CAMTA1: variants seen among roughly 807,000 people sequenced by gnomAD.
CAMTA1 encodes the protein calmodulin binding transcription activator 1.
A neutral mutation model predicts 170.9 loss-of-function variants in CAMTA1; 27 were observed. The ratio of observed to expected loss-of-function variants is 0.16; its 90% CI spans 0.12 to 0.22. The LOEUF (loss-of-function observed/expected upper bound fraction) is 0.22, where lower values mean the gene tolerates loss of function less well. CAMTA1 is among the 10% of genes least tolerant of loss of function. The pLI is 1.00. For missense variants in CAMTA1, 1,619 were observed against 2,217.2 expected, an observed-to-expected ratio of 0.73 and a Z score of 5.42; for synonymous variants, 833 against 891.5, an observed-to-expected ratio of 0.93 and a Z score of 1.17.
chr1:7,567,489 A>G (rs1193641876), intron 6 of CAMTA1, among the ~76,000 whole-genome samples: 2 of 152,246 alleles, frequency 1.3e-5, no homozygotes, highest in African/African-American at 4.8e-5. Flanking sequence ...TGGCGTCAAC[A>G]CAGGTGGTGG....
chr1:7,076,426 T>G (rs1050789777), intron 3 of CAMTA1, among the ~76,000 whole-genome samples: 7 of 152,218 alleles, frequency 4.6e-5, no homozygotes, highest in African/African-American at 1.7e-4. Context: ...GGTGACACAA[T>G]ATGAGCTTTT....
chr1:7,558,195 G>C (rs766992763), intron 6 of CAMTA1, among the ~76,000 whole-genome samples: 7 of 152,196 alleles, frequency 4.6e-5, no homozygotes, highest in East Asian at 1.9e-4. Flanking sequence ...GCTCCGCCTC[G>C]GGGCCGCATG....
chr1:7,231,350 T>TGTGTGTGTGTGA (rs112268253), intron 4 of CAMTA1, among the ~76,000 whole-genome samples: 2,121 of 141,092 alleles, frequency 0.015, 19 homozygotes, highest in Non-Finnish European at 0.026. Flanking sequence ...TGTGTGTGTG[T>TGTGTGTGTGTGA]GAGAGAGAGA....
Position 7,532,399 on chromosome 1 carries a change from G to A in CAMTA1, c.510+64498G>A, listed in dbSNP as rs1367136429. Among the ~76,000 whole-genome samples the A allele has an allele frequency of 6.6e-6, 1 of 151,886 alleles. No homozygotes were observed. Among genetic ancestry groups the A allele is most frequent in the Non-Finnish European group, 1.5e-5 (1 of 67,984 alleles). ...ACACCGCAGCCTCCTGGGCTCAAGT[G>A]ATCCTCCCACCTCAGCCTCCCAAGT... On this transcript the variant is annotated intron_variant, in intron 6 of 22. Transcript: ENST00000303635. This position sits in a 1 kb window ranked among gnomAD's most constrained non-coding sequence, Gnocchi z 4.2.
intron 4 of CAMTA1, among the ~76,000 whole-genome samples, chr1:7,107,277 C>CGTGTGTGTGT (rs767461350): frequency 2.1e-4 from 3 of 14,044 alleles, no homozygotes; most frequent in African/African-American, 9.4e-4. Context: ...TGTGTGTGTG[C>CGTGTGTGTGT]ATGTGTGTGT....
chr1:7,221,697 T>A (rs1203721943), intron 4 of CAMTA1, among the ~76,000 whole-genome samples: 2 of 152,202 alleles, frequency 1.3e-5, no homozygotes, highest in Non-Finnish European at 2.9e-5. Context: ...GCCCTGCTTC[T>A]TGCTGGCTGT....
chr1:7,667,952 C>T (rs1455678406), intron 9 of CAMTA1, among the ~76,000 whole-genome samples: 1 of 152,216 alleles, frequency 6.6e-6, no homozygotes, highest in Non-Finnish European at 1.5e-5. Flanking sequence ...TTCCTCCTTG[C>T]TGTCCTCTCC....
chr1:7,232,964 T>C (rs1374628780), intron 4 of CAMTA1, among the ~76,000 whole-genome samples: 3 of 137,676 alleles, frequency 2.2e-5, no homozygotes, highest in South Asian at 2.5e-4. Flanking sequence ...TTTTTTTTTT[T>C]CCCTCCCACC....
At chr1:7,726,758 A>G (rs538983354) in intron 11 of CAMTA1, among the ~76,000 whole-genome samples, 82 of 152,320 alleles carry the variant, frequency 5.4e-4, no homozygotes, top group African/African-American at 1.9e-3. Context: ...TTCCGGTGCG[A>G]CGGATATAGC....
chr1:7,150,889 G>A lies in CAMTA1; in HGVS notation c.302+59518G>A, dbSNP rs139340683. Among the ~76,000 whole-genome samples, 370 of 152,276 alleles carry A rather than the reference G, an allele frequency of 2.4e-3. 1 individual carries two copies. Among genetic ancestry groups the A allele is most frequent in the African/African-American group, 8.2e-3 (341 of 41,548 alleles). On this transcript the variant is annotated intron_variant, in intron 4 of 22. Coordinates refer to ENST00000303635, the MANE Select transcript of CAMTA1 (RefSeq NM_015215.4). ...GCCGCAGACGGACTCAGAAAGCACCGTTTCATTTTGCTCGAGTAAAGAAGG... is the reference window on the plus strand; with the variant it reads ...GCCGCAGACGGACTCAGAAAGCACCATTTCATTTTGCTCGAGTAAAGAAGG...
chr1:7,097,048 G>T (rs1461453083), intron 4 of CAMTA1, among the ~76,000 whole-genome samples: 1 of 152,050 alleles, frequency 6.6e-6, no homozygotes, highest in Non-Finnish European at 1.5e-5. Context: ...CCCTCACCTC[G>T]AATGCCCTCA....
chr1:7,033,990 G>A (rs757546199), intron 3 of CAMTA1, among the ~76,000 whole-genome samples: 5 of 152,032 alleles, frequency 3.3e-5, no homozygotes, highest in Non-Finnish European at 5.9e-5. Flanking sequence ...GCTTTTTTAG[G>A]TGGGTACAGA....
intron 3 of CAMTA1, among the ~76,000 whole-genome samples, chr1:6,886,998 A>G (rs1673427333): frequency 6.6e-6 from 1 of 152,232 alleles, no homozygotes. Context: ...TGGCCCAGGA[A>G]GTAACAATGG....
At chr1:7,260,544 C>G (rs1190062518) in intron 5 of CAMTA1, among the ~76,000 whole-genome samples, 1 of 152,204 alleles carries the variant, frequency 6.6e-6, no homozygotes, top group Non-Finnish European at 1.5e-5. Context: ...CAGGGCTAGT[C>G]CCAGTGATAC....
intron 3 of CAMTA1, among the ~76,000 whole-genome samples, chr1:6,989,221 G>A (rs1027816800): frequency 2.0e-5 from 3 of 152,168 alleles, no homozygotes; most frequent in East Asian, 1.9e-4. Flanking sequence ...GGTTAGGGAC[G>A]GATGTGGCAT....
At chr1:6,973,833 T>G (rs1272782715) in intron 3 of CAMTA1, among the ~76,000 whole-genome samples, 1 of 152,158 alleles carries the variant, frequency 6.6e-6, no homozygotes, top group African/African-American at 2.4e-5. Context: ...CTCATCTCCC[T>G]TCTACAGTGG....
At position 7,455,389 on chromosome 1, in the gene CAMTA1, G is replaced by A. The variant is rs964128230; in HGVS notation, c.439-12441G>A. ...CCCATTAATTCTGCATGCTCAGGCC[G>A]AATTAACCTTGGCAAGCCTTCAAGA... On this transcript the variant is annotated intron_variant, in intron 5 of 22. Transcript: ENST00000303635. The surrounding 1 kb of genome is among the most constrained non-coding windows in gnomAD (Gnocchi z 5.0). Among the ~76,000 whole-genome samples the A allele has an allele frequency of 5.3e-5, 8 of 152,202 alleles. No individual in the cohort carries two copies. The highest frequency in any genetic ancestry group is 7.2e-5 in the African/African-American group (3 of 41,454).
At position 7,708,584 on chromosome 1, in the gene CAMTA1, C is replaced by A. The variant is rs140896006; in HGVS notation, c.2915-23864C>A. ...CAGTAAAGTTCCTTTGATAGACTAA[C>A]TGGAATTTTAGTTTATAAAGTATCG... On this transcript the variant is annotated intron_variant, in intron 11 of 22. Transcript: ENST00000303635. Among the ~76,000 whole-genome samples the A allele has an allele frequency of 2.1e-4, 32 of 152,274 alleles. No homozygotes were observed. In the East Asian group the frequency reaches 5.2e-3, roughly 25 times the overall value.
intron 4 of CAMTA1, among the ~76,000 whole-genome samples, chr1:7,225,563 A>G (rs1661553817): frequency 6.6e-6 from 1 of 152,120 alleles, no homozygotes; most frequent in African/African-American, 2.4e-5. Context: ...AACACCTGGG[A>G]GGGTCCATCA....
Sources: allele counts gnomAD v4.1 joint callset (sites outside exome capture counted in the v4.1 genomes callset), GRCh38; gene constraint gnomAD v4.1.1; non-coding constraint Gnocchi (gnomAD v3.1); transcripts MANE v1.5; gene names NCBI Gene and HGNC (gene_info 2026-07-23, HGNC 2026-07-21).